CASK: variants seen among roughly 807,000 people sequenced by gnomAD.
CASK encodes peripheral plasma membrane protein CASK.
A neutral mutation model predicts 82.9 loss-of-function variants in CASK; 4 were observed. The observed-to-expected ratio is 0.05, with a 90% CI of 0.02 to 0.11. The LOEUF is 0.11. CASK is among the 10% of genes least tolerant of loss of function. The pLI, the probability that CASK is intolerant of heterozygous loss-of-function variation, is 1.00. For synonymous variants in CASK, 259 were observed against 253.5 expected (o/e 1.02, Z -0.20); for missense variants, 358 against 720.9 (o/e 0.50, Z 5.76).
At chrX:41,605,435 T>C (rs2065944216) in intron 12 of CASK, among the ~76,000 whole-genome samples, 1 of 107,145 alleles carries the variant, frequency 9.3e-6, no homozygotes, top group African/African-American at 3.4e-5. Flanking sequence ...GTGAGACCTG[T>C]CTCTTCAAAA....
intron 1 of CASK, among the ~76,000 whole-genome samples, chrX:41,860,253 T>C (rs1365295048): frequency 1.8e-5 from 2 of 111,133 alleles, no homozygotes; most frequent in African/African-American, 6.5e-5. Flanking sequence ...ATTTTCTAAA[T>C]CTGTGTCTTC....
intron 1 of CASK, among the ~76,000 whole-genome samples, chrX:41,866,854 C>T (rs2071599293): frequency 9.0e-6 from 1 of 111,418 alleles, no homozygotes; most frequent in African/African-American, 3.3e-5. Context: ...GGGTCTCAAA[C>T]AACGATGTTT....
chrX:41,864,042 T>C (rs1195256608), intron 1 of CASK, among the ~76,000 whole-genome samples: 2 of 111,873 alleles, frequency 1.8e-5, no homozygotes, highest in Non-Finnish European at 3.8e-5. Context: ...CTGAAGTTGT[T>C]ATCCTCCTTA....
At chrX:41,595,518 T>C (rs1401521253) in intron 12 of CASK, among the ~76,000 whole-genome samples, 3 of 111,297 alleles carry the variant, frequency 2.7e-5, no homozygotes, top group African/African-American at 9.8e-5. Context: ...GGTAGGAGGG[T>C]TCCCTGAGCC....
chrX:41,745,170 A>G (rs980787937), intron 4 of CASK, among the ~76,000 whole-genome samples: 2 of 111,369 alleles, frequency 1.8e-5, no homozygotes, highest in Non-Finnish European at 3.8e-5. Context: ...GGTGCATGCC[A>G]CCACGCCCAG....
chrX:41,582,516 T>C (rs959632997), intron 14 of CASK, among the ~76,000 whole-genome samples: 10 of 110,930 alleles, frequency 9.0e-5, no homozygotes, highest in Non-Finnish European at 1.5e-4. Context: ...GGTTTCACCA[T>C]GTTGGCCAGG....
Position 41,888,681 on chromosome X carries a change from G to T in CASK, c.59+34249C>A, listed in dbSNP as rs940598334. ...TGTGTGTGTATATATGTATATGTAT[G>T]TGAATATATGTATATATATACGTAT... On this transcript the variant is annotated intron_variant, in intron 1 of 26. Coordinates refer to ENST00000378163, the MANE Select transcript of CASK (RefSeq NM_001367721.1). Among the ~76,000 whole-genome samples the T allele has an allele frequency of 5.3e-5, 5 of 94,633 alleles. No homozygotes were observed. In the South Asian group the frequency reaches 2.3e-3, roughly 43 times the overall value. The allele number at this position is 94,633 out of a possible 115,157, so 82.2% of individuals were successfully genotyped here. A position where few individuals can be genotyped will look rare whatever the true frequency, so the allele number is the denominator to read the frequency against.
chrX:41,656,927 G>T (rs1304846360), intron 8 of CASK, among the ~76,000 whole-genome samples: 3 of 111,719 alleles, frequency 2.7e-5, no homozygotes, highest in African/African-American at 9.8e-5. Context: ...ACAAGAAATT[G>T]TAACTATGTT....
intron 11 of CASK, among the ~76,000 whole-genome samples, chrX:41,619,659 A>C (rs1160480856): frequency 8.9e-6 from 1 of 112,311 alleles, no homozygotes; most frequent in Non-Finnish European, 1.9e-5. Context: ...AAGTCTCATA[A>C]AAAGGTTGAC....
chrX:41,863,228 T>G (rs1169855340), intron 1 of CASK, among the ~76,000 whole-genome samples: 1 of 112,233 alleles, frequency 8.9e-6, no homozygotes, highest in African/African-American at 3.2e-5. Flanking sequence ...AAACAGTTAG[T>G]GGATGTTAGA....
At chrX:41,673,829 GTTTTTTTTTTTT>G (rs887137250) in intron 5 of CASK, among the ~76,000 whole-genome samples, 2 of 51,045 alleles carry the variant, frequency 3.9e-5, no homozygotes, top group Non-Finnish European at 3.6e-5. Context: ...AACTCTGGGT[GTTTTTTTTTTTT>G]TTTTTTTTTT....
chrX:41,623,692 A>G (rs976625526), intron 10 of CASK, among the ~76,000 whole-genome samples: 1 of 111,817 alleles, frequency 8.9e-6, no homozygotes, highest in African/African-American at 3.2e-5. Flanking sequence ...GATTACAGGC[A>G]TGAGCCACTG....
intron 2 of CASK, among the ~76,000 whole-genome samples, chrX:41,788,635 A>G (rs2069660645): frequency 8.9e-6 from 1 of 112,094 alleles, no homozygotes; most frequent in African/African-American, 3.2e-5. Flanking sequence ...AAAAGAAGTC[A>G]GAAAATTTGA....
At chrX:41,569,118 A>C (rs2065365979) in intron 16 of CASK, among the ~76,000 whole-genome samples, 1 of 112,296 alleles carries the variant, frequency 8.9e-6, no homozygotes, top group Non-Finnish European at 1.9e-5. Flanking sequence ...CTTACCATTT[A>C]ATTTTTGTAT....
chrX:41,614,321 G>A (rs908547748), intron 11 of CASK, among the ~76,000 whole-genome samples: 1 of 111,449 alleles, frequency 9.0e-6, no homozygotes, highest in African/African-American at 3.3e-5. Context: ...CTATGGGGTA[G>A]CCCTGGTCTG....
intron 2 of CASK, among the ~76,000 whole-genome samples, chrX:41,810,123 T>G (rs896886961): frequency 8.9e-6 from 1 of 112,362 alleles, no homozygotes; most frequent in African/African-American, 3.2e-5. Context: ...TTGGTGTACC[T>G]GAAAGTGATG....
chrX:41,800,647 C>T (rs932930260), intron 2 of CASK, among the ~76,000 whole-genome samples: 1 of 107,748 alleles, frequency 9.3e-6, no homozygotes, highest in Non-Finnish European at 1.9e-5. Context: ...TGCTATCCCT[C>T]CCCCCTTCCC....
intron 2 of CASK, among the ~76,000 whole-genome samples, chrX:41,817,026 C>T (rs1291901516): frequency 9.0e-6 from 1 of 111,460 alleles, no homozygotes; most frequent in African/African-American, 3.3e-5. Flanking sequence ...ACTATTATAA[C>T]AAAAGAAAAC....
At chrX:41,730,450 G>A (rs1348457353) in intron 5 of CASK, among the ~76,000 whole-genome samples, 1 of 111,745 alleles carries the variant, frequency 8.9e-6, no homozygotes, top group Non-Finnish European at 1.9e-5. Flanking sequence ...AAAATGTTCT[G>A]AGAAAAGTCT....
Sources: gnomAD v4.1 joint callset for allele counts (sites outside exome capture counted in the v4.1 genomes callset) on GRCh38, gnomAD v4.1.1 for gene constraint, MANE v1.5 for transcripts, NCBI Gene and HGNC (gene_info 2026-07-23, HGNC 2026-07-21) for gene names.